SPAG17: variants seen among roughly 807,000 people sequenced by gnomAD.
SPAG17 encodes sperm associated antigen 17.
A neutral mutation model predicts 273.6 loss-of-function variants in SPAG17; 169 were observed. That is an observed-to-expected ratio of 0.62 (90% CI 0.55 to 0.70). The LOEUF (loss-of-function observed/expected upper bound fraction) is 0.70, where lower values mean the gene tolerates loss of function less well. Ranked by LOEUF, SPAG17 falls within the 30% of genes least tolerant of loss-of-function variation. The pLI, the probability that SPAG17 is intolerant of heterozygous loss-of-function variation, is 0.00. For synonymous variants in SPAG17, 825 were observed against 873.2 expected (o/e 0.94, Z 0.97); for missense variants, 2,557 against 2,627.8 (o/e 0.97, Z 0.59).
chr1:118,044,910 A>T (rs1650182146), intron 20 of SPAG17, among the ~76,000 whole-genome samples: 1 of 152,172 alleles, frequency 6.6e-6, no homozygotes, highest in African/African-American at 2.4e-5. Context: ...TGAGCCAATT[A>T]TATCTCTTTT....
At chr1:118,177,910 T>C (rs974271502) in intron 1 of SPAG17, among the ~76,000 whole-genome samples, 1 of 152,130 alleles carries the variant, frequency 6.6e-6, no homozygotes, top group African/African-American at 2.4e-5. Flanking sequence ...AATAATAAGA[T>C]TGAAGCTGTA....
intron 3 of SPAG17, among the ~76,000 whole-genome samples, chr1:118,143,066 G>C (rs1205214724): frequency 6.6e-6 from 1 of 152,160 alleles, no homozygotes; most frequent in Non-Finnish European, 1.5e-5. Context: ...ACCCAAACAT[G>C]TGGGCAAAAG....
intron 24 of SPAG17, among the ~76,000 whole-genome samples, chr1:118,033,447 C>T (rs541424844): frequency 6.6e-6 from 1 of 152,320 alleles, no homozygotes; most frequent in Non-Finnish European, 1.5e-5. Flanking sequence ...AGATCTTCCT[C>T]CCAAATTATG....
At position 118,099,718 on chromosome 1, in the gene SPAG17, C is replaced by T. The variant is rs912013093; in HGVS notation, c.717G>A (p.Glu239=). 1.9e-6 allele frequency: 3 copies of T among 1,613,746 alleles called. No homozygotes were observed. Among genetic ancestry groups the T allele is most frequent in the Admixed American group, 3.3e-5 (2 of 59,978 alleles). The change falls in exon 6 of 49, where the codon GAG becomes GAA. Residue 239 remains glutamate (E), a synonymous_variant. Transcript: ENST00000336338. The part of the protein sequence containing the change: ...NNPQLLAIMA[E]LGIPITSVIK... Reference sequence around the variant, plus strand: ...TCACGCTGGTTATAGGAATGCCAAGCTCAGCCATAATTGCTAATAGCTGAG... The same window carrying T: ...TCACGCTGGTTATAGGAATGCCAAGTTCAGCCATAATTGCTAATAGCTGAG...
chr1:118,012,323 C>T lies in SPAG17; in HGVS notation c.4337G>A (p.Gly1446Asp). Residue 1446 changes from glycine to aspartate, a missense_variant, in exon 30 of 49, where the codon GGT becomes GAT. Transcript: ENST00000336338. ...ATCAGCATGATCCACTATCCGAGTA[C>T]CATCTTTCCTTTCAACTATGACAAC... ...DKVVIVERKDGTRIVDHADGT... is the reference protein window; with the variant it reads ...DKVVIVERKDDTRIVDHADGT... 2.5e-6 allele frequency: 4 copies of T among 1,613,710 alleles called. No homozygotes were observed. Among genetic ancestry groups the T allele is most frequent in the South Asian group, 1.1e-5 (1 of 91,042 alleles).
At chr1:117,959,405 G>A in intron 48 of SPAG17, 1 of 1,612,454 alleles carries the variant, frequency 6.2e-7, no homozygotes. Context: ...AGAAGAAGAG[G>A]AAGAGGAAAA....
At chr1:118,044,442 A>C (rs998608618) in intron 20 of SPAG17, among the ~76,000 whole-genome samples, 1 of 151,900 alleles carries the variant, frequency 6.6e-6, no homozygotes, top group Non-Finnish European at 1.5e-5. Flanking sequence ...CCGAGATCGC[A>C]CCACTGCACT....
intron 1 of SPAG17, among the ~76,000 whole-genome samples, chr1:118,164,674 C>T (rs995958806): frequency 6.6e-6 from 1 of 152,200 alleles, no homozygotes; most frequent in East Asian, 1.9e-4. Flanking sequence ...TAAACTTTAT[C>T]ATTCTGTGTC....
intron 31 of SPAG17, among the ~76,000 whole-genome samples, chr1:118,006,605 G>C (rs562452747): frequency 6.6e-6 from 1 of 152,174 alleles, no homozygotes; most frequent in African/African-American, 2.4e-5. Context: ...TATATACCTA[G>C]GAGTGGAATT....
chr1:118,121,926 A>G (rs1437377313), intron 3 of SPAG17, among the ~76,000 whole-genome samples: 2 of 152,198 alleles, frequency 1.3e-5, no homozygotes, highest in African/African-American at 2.4e-5. Context: ...TACCATTTCT[A>G]TCTAATTATC....
intron 35 of SPAG17, among the ~76,000 whole-genome samples, 172 bp downstream of exon 35, chr1:117,994,234 T>C (rs1284612344): frequency 1.3e-5 from 2 of 152,170 alleles, no homozygotes; most frequent in Non-Finnish European, 2.9e-5. Flanking sequence ...GAAATGTTGT[T>C]GCCACATCTA....
intron 32 of SPAG17, among the ~76,000 whole-genome samples, chr1:118,001,395 G>A (rs1483332568): frequency 6.6e-6 from 1 of 152,184 alleles, no homozygotes; most frequent in Admixed American, 6.5e-5. Context: ...AGAAGGAATG[G>A]TACCAGGTCC....
chr1:118,086,884 T>C lies in SPAG17; in HGVS notation c.1484A>G (p.Glu495Gly), dbSNP rs1341430801. The C allele has an allele frequency of 1.9e-6, 3 of 1,614,046 alleles. No homozygotes were observed. The Admixed American group carries it at 5.0e-5, about 27-fold the overall frequency. Reference sequence around the variant, plus strand: ...AGGCTATCTGACCTTTTTCTCCCTCTCTGAGAGACAGAGTGAGGGCAGAAG... The same window carrying C: ...AGGCTATCTGACCTTTTTCTCCCTCCCTGAGAGACAGAGTGAGGGCAGAAG... ...VSLLPSLCLS[E>G]REKKNLHDIF... Residue 495 changes from glutamate to glycine, a missense_variant, in exon 11 of 49, where the codon GAG becomes GGG. Coordinates refer to ENST00000336338, the MANE Select transcript of SPAG17 (RefSeq NM_206996.4).
chr1:118,026,594 A>G (rs1023758343), intron 26 of SPAG17, among the ~76,000 whole-genome samples: 1 of 152,202 alleles, frequency 6.6e-6, no homozygotes, highest in Non-Finnish European at 1.5e-5. Context: ...TAAAATAGGC[A>G]CTTTAATTTT....
chr1:117,971,063 A>G (rs1362528275), intron 45 of SPAG17, among the ~76,000 whole-genome samples: 1 of 151,268 alleles, frequency 6.6e-6, no homozygotes, highest in South Asian at 2.1e-4. Flanking sequence ...TTTTTTTTTT[A>G]TCTGATTTCC....
intron 1 of SPAG17, among the ~76,000 whole-genome samples, chr1:118,182,757 A>G (rs1372420692): frequency 2.0e-5 from 3 of 152,170 alleles, no homozygotes; most frequent in African/African-American, 7.2e-5. Flanking sequence ...TCTTCATTCT[A>G]CCTGTTCAAA....
chr1:118,165,628 A>T (rs998085294), intron 1 of SPAG17, among the ~76,000 whole-genome samples: 12 of 135,864 alleles, frequency 8.8e-5, no homozygotes, highest in South Asian at 4.6e-4. Context: ...AGTGTAAATT[A>T]AAAAAAAAAA....
intron 30 of SPAG17, among the ~76,000 whole-genome samples, chr1:118,011,965 A>T (rs918107456): frequency 6.7e-6 from 1 of 150,130 alleles, no homozygotes; most frequent in South Asian, 2.1e-4. Flanking sequence ...ATTATTTATT[A>T]TATATATATA....
At chr1:117,996,263 G>T in intron 34 of SPAG17, 107 bp downstream of exon 34, 1 of 1,351,556 alleles carries the variant, frequency 7.4e-7, no homozygotes, top group Non-Finnish European at 1.0e-6. Flanking sequence ...GAGCAGAAAA[G>T]TGAGCAAAGC....
Sources: allele counts gnomAD v4.1 joint callset (sites outside exome capture counted in the v4.1 genomes callset), GRCh38; gene constraint gnomAD v4.1.1; transcripts MANE v1.5; gene names NCBI Gene and HGNC (gene_info 2026-07-23, HGNC 2026-07-21).